The following DNER variants were observed in gnomAD, a reference collection of about 807,000 sequenced individuals.
DNER encodes delta and Notch-like epidermal growth factor-related receptor.
DNER carries 33 observed loss-of-function variants against 78.2 expected under a neutral mutation model. The observed-to-expected ratio is 0.42, with a 90% confidence interval of 0.32 to 0.56. The LOEUF (loss-of-function observed/expected upper bound fraction) is 0.56. Among genes scored for constraint, DNER ranks in the 20% least tolerant of loss-of-function variants. DNER has a pLI of 0.11. For synonymous variants in DNER, 417 were observed against 384.8 expected, an observed-to-expected ratio of 1.08 and a Z score of -0.98; for missense variants, 918 against 975.3, an observed-to-expected ratio of 0.94 and a Z score of 0.78.
intron 7 of DNER, among the ~76,000 whole-genome samples, chr2:229,450,872 C>T (rs1447184152): frequency 2.6e-5 from 4 of 152,190 alleles, no homozygotes; most frequent in Non-Finnish European, 4.4e-5. Flanking sequence ...TTGTTTAAAC[C>T]TGTAGTCCTT....
intron 1 of DNER, among the ~76,000 whole-genome samples, chr2:229,684,258 G>C (rs1482862967): frequency 6.6e-6 from 1 of 151,138 alleles, no homozygotes; most frequent in East Asian, 2.0e-4. Flanking sequence ...CCAATAGGAG[G>C]TGATGGCTGA....
chr2:229,641,569 A>T (rs1228387487), intron 1 of DNER, among the ~76,000 whole-genome samples: 1 of 133,710 alleles, frequency 7.5e-6, no homozygotes, highest in Non-Finnish European at 1.5e-5. Context: ...CAGATCTGTG[A>T]CCCCAGAGAC....
chr2:229,690,412 T>C (rs1699550162), intron 1 of DNER, among the ~76,000 whole-genome samples: 1 of 152,238 alleles, frequency 6.6e-6, no homozygotes, highest in African/African-American at 2.4e-5. Context: ...TTAACCTTCT[T>C]GAGCATGTTT....
intron 8 of DNER, among the ~76,000 whole-genome samples, chr2:229,440,513 T>C (rs1286430718): frequency 1.3e-5 from 2 of 152,200 alleles, no homozygotes; most frequent in Non-Finnish European, 2.9e-5. Context: ...GCAAGAACTC[T>C]GCAACTCTCT....
chr2:229,395,000 A>G (rs1693102067), intron 10 of DNER, among the ~76,000 whole-genome samples: 2 of 152,146 alleles, frequency 1.3e-5, no homozygotes, highest in Middle Eastern at 3.2e-3. Flanking sequence ...GATCCCTTGG[A>G]GACAGAAAAT....
intron 4 of DNER, among the ~76,000 whole-genome samples, chr2:229,572,111 A>G (rs1323838046): frequency 6.6e-6 from 1 of 152,080 alleles, no homozygotes; most frequent in Non-Finnish European, 1.5e-5. Flanking sequence ...AAATTGTCCT[A>G]TTATTTCTAA....
chr2:229,454,378 C>T (rs1574850484), intron 7 of DNER, among the ~76,000 whole-genome samples: 1 of 152,274 alleles, frequency 6.6e-6, no homozygotes, highest in African/African-American at 2.4e-5. Flanking sequence ...TCATACACTA[C>T]AGGAAAATTT....
intron 1 of DNER, among the ~76,000 whole-genome samples, chr2:229,616,218 C>T (rs577190904): frequency 5.3e-5 from 8 of 152,330 alleles, no homozygotes; most frequent in Admixed American, 1.3e-4. Context: ...CGGACCACCA[C>T]GGGCTATGGG....
In DNER at chr2:229,413,321, C is replaced by CTTTTTTTTTTTTTTT. The variant is rs398061160; in HGVS notation, c.1609+4772_1609+4786dup. On this transcript the variant is annotated intron_variant, in intron 9 of 12. Coordinates refer to ENST00000341772, the MANE Select transcript of DNER (RefSeq NM_139072.4). Reference sequence around the variant, plus strand: ...TGCTTTTCTTTTTCTTTTTCTTCTTCTTTTTTTTTTTTTTTTTTTTTGACG... The same window carrying CTTTTTTTTTTTTTTT: ...TGCTTTTCTTTTTCTTTTTCTTCTTCTTTTTTTTTTTTTTTTTTTTTTTTTTTTTTTTTTTTGACG... Among the ~76,000 whole-genome samples the CTTTTTTTTTTTTTTT allele has an allele frequency of 5.5e-4, 37 of 67,778 alleles. 1 individual carries two copies. The highest frequency in any genetic ancestry group is 1.2e-3 in the East Asian group (2 of 1,610). The allele number at this position is 67,778 out of a possible 152,430, so 44.5% of individuals were successfully genotyped here.
Position 229,633,836 on chromosome 2 carries a change from G to C in DNER, c.277-41948C>G, listed in dbSNP as rs775796003. Among the ~76,000 whole-genome samples, 2 of 152,208 alleles carry C rather than the reference G, an allele frequency of 1.3e-5. 1 individual carries two copies. The highest frequency in any genetic ancestry group is 3.8e-4 in the East Asian group (2 of 5,202). ...TCCAGCCAGAAGTACATAGAGCAGC[G>C]TCTCTGGGCAAGGCGTCCTCCCTCT... On this transcript the variant is annotated intron_variant, in intron 1 of 12. Transcript: ENST00000341772.
chr2:229,593,419 A>C (rs954991423), intron 1 of DNER, among the ~76,000 whole-genome samples: 2 of 151,972 alleles, frequency 1.3e-5, no homozygotes, highest in African/African-American at 4.8e-5. Context: ...TCCATCCTCT[A>C]CTCAAATGCT....
At chr2:229,507,662 T>C (rs1188730997) in intron 6 of DNER, among the ~76,000 whole-genome samples, 2 of 152,206 alleles carry the variant, frequency 1.3e-5, no homozygotes, top group Non-Finnish European at 2.9e-5. Context: ...TATGTATTTA[T>C]AGAAATGGTG....
At chr2:229,374,930 G>A (rs764456742) in intron 11 of DNER, among the ~76,000 whole-genome samples, 2 of 152,164 alleles carry the variant, frequency 1.3e-5, no homozygotes, top group Admixed American at 1.3e-4. Flanking sequence ...TACTTACTGT[G>A]GGTTGCACTC....
At chr2:229,373,893 G>A (rs1203292871) in intron 11 of DNER, among the ~76,000 whole-genome samples, 2 of 152,094 alleles carry the variant, frequency 1.3e-5, no homozygotes, top group African/African-American at 2.4e-5. Context: ...GGCCAGGCAC[G>A]GTGGCTCACA....
intron 6 of DNER, among the ~76,000 whole-genome samples, chr2:229,494,965 C>A (rs1695469988): frequency 1.3e-5 from 2 of 152,308 alleles, no homozygotes; most frequent in Middle Eastern, 6.8e-3. Flanking sequence ...ACCCATGAAT[C>A]ATATCCATGA....
intron 1 of DNER, among the ~76,000 whole-genome samples, chr2:229,681,827 AAC>A (rs72248647): frequency 0.17 from 24,073 of 144,238 alleles, 2,228 homozygotes; most frequent in East Asian, 0.37. Flanking sequence ...CTCTGCCTAA[AAC>A]ACACACACAC....
At chr2:229,518,671 A>G (rs1696032188) in intron 5 of DNER, among the ~76,000 whole-genome samples, 5 of 152,142 alleles carry the variant, frequency 3.3e-5, no homozygotes, top group Admixed American at 3.3e-4. Flanking sequence ...TGAATCTTGG[A>G]CCGTATTCTC....
intron 4 of DNER, among the ~76,000 whole-genome samples, chr2:229,572,529 GGAAATA>G (rs199988827): frequency 0.015 from 2,220 of 152,090 alleles, 51 homozygotes; most frequent in African/African-American, 0.05. Context: ...AAGTAAGGAA[GGAAATA>G]GAAGAACTAA....
intron 9 of DNER, among the ~76,000 whole-genome samples, chr2:229,411,150 C>A (rs1037033164): frequency 3.3e-5 from 5 of 152,134 alleles, no homozygotes; most frequent in Non-Finnish European, 7.4e-5. Context: ...CACAAAATAA[C>A]CAGAAATTCT....
Sources: allele counts gnomAD v4.1 joint callset (sites outside exome capture counted in the v4.1 genomes callset), GRCh38; gene constraint gnomAD v4.1.1; transcripts MANE v1.5; gene names NCBI Gene and HGNC (gene_info 2026-07-23, HGNC 2026-07-21).